Variants in GALNT13 observed in about 807,000 individuals in gnomAD.
GALNT13 encodes the protein polypeptide N-acetylgalactosaminyltransferase 13, also known as UDP-GalNAc:polypeptide N-acetylgalactosaminyltransferase 13.
In GALNT13, 28 loss-of-function variants were observed where a neutral mutation model predicts 64.2. That is an observed-to-expected ratio of 0.44 (90% CI 0.32 to 0.60). The LOEUF is 0.60. Among genes scored for constraint, GALNT13 ranks in the 20% least tolerant of loss-of-function variants. GALNT13 has a pLI of 0.05. For synonymous variants in GALNT13, 214 were observed against 224.6 expected (o/e 0.95, Z 0.42); for missense variants, 577 against 669.8 (o/e 0.86, Z 1.53).
the GALNT13 span, among the ~76,000 whole-genome samples, chr2:153,529,406 CAA>C: frequency 2.2e-5 from 3 of 138,198 alleles, no homozygotes; most frequent in African/African-American, 7.5e-5. Flanking sequence ...GTAACAAGAT[CAA>C]AGACGTTATA....
chr2:153,723,766 C>G, the GALNT13 span, among the ~76,000 whole-genome samples: 3 of 151,476 alleles, frequency 2.0e-5, no homozygotes, highest in Non-Finnish European at 4.4e-5. Flanking sequence ...AGGACCTCTT[C>G]AAGGAGAACT....
the GALNT13 span, among the ~76,000 whole-genome samples, chr2:153,350,368 G>T: frequency 4.2e-5 from 6 of 144,124 alleles, no homozygotes; most frequent in Admixed American, 4.1e-4. Flanking sequence ...TTTATGCATG[G>T]TCTGTTTCTT....
At chr2:153,931,043 G>T (rs1365124452) in intron 2 of GALNT13, among the ~76,000 whole-genome samples, 2 of 148,374 alleles carry the variant, frequency 1.3e-5, no homozygotes, top group African/African-American at 5.0e-5. Flanking sequence ...ATTGTCCTGG[G>T]TAGCTGTATT....
At chr2:153,641,927 T>C in the GALNT13 span, among the ~76,000 whole-genome samples, 1 of 151,834 alleles carries the variant, frequency 6.6e-6, no homozygotes, top group African/African-American at 2.4e-5. Flanking sequence ...AATTATAAAA[T>C]ATATGTCATA....
the GALNT13 span, among the ~76,000 whole-genome samples, chr2:153,636,250 A>AT: frequency 2.6e-5 from 4 of 152,170 alleles, no homozygotes; most frequent in Non-Finnish European, 5.9e-5. Flanking sequence ...TTACCTAGTT[A>AT]TTTTTTAATA....
At chr2:153,356,792 T>TC in the GALNT13 span, among the ~76,000 whole-genome samples, 2 of 107,832 alleles carry the variant, frequency 1.9e-5, no homozygotes, top group African/African-American at 4.1e-5. Flanking sequence ...TCTTCCTCTT[T>TC]TTTTTTTTTT....
the GALNT13 span, among the ~76,000 whole-genome samples, chr2:153,802,593 G>T: frequency 1.3e-5 from 2 of 152,158 alleles, no homozygotes; most frequent in Non-Finnish European, 2.9e-5. Flanking sequence ...GTTGACAATT[G>T]TTAAGACATC....
At chr2:154,082,695 C>A (rs1028200187) in intron 3 of GALNT13, among the ~76,000 whole-genome samples, 8 of 151,704 alleles carry the variant, frequency 5.3e-5, no homozygotes, top group African/African-American at 1.2e-4. Flanking sequence ...TTTTCCATGG[C>A]CACCTCTGCT....
chr2:154,404,870 G>T (rs905707347), intron 10 of GALNT13, among the ~76,000 whole-genome samples: 1 of 151,908 alleles, frequency 6.6e-6, no homozygotes, highest in Non-Finnish European at 1.5e-5. Flanking sequence ...ACAGAAAAAG[G>T]TGTTCCATAT....
At chr2:153,372,380 G>T in the GALNT13 span, among the ~76,000 whole-genome samples, 1 of 152,160 alleles carries the variant, frequency 6.6e-6, no homozygotes, top group Non-Finnish European at 1.5e-5. Context: ...AGGTGTGGTG[G>T]CTCACGCCTA....
At chr2:153,287,403 A>T in the GALNT13 span, among the ~76,000 whole-genome samples, 1 of 152,170 alleles carries the variant, frequency 6.6e-6, no homozygotes, top group Non-Finnish European at 1.5e-5. Flanking sequence ...TGTCGCAAGG[A>T]CAGAGGGCTT....
chr2:153,966,511 G>A (rs1366750604), intron 3 of GALNT13, among the ~76,000 whole-genome samples: 15 of 151,620 alleles, frequency 9.9e-5, no homozygotes, highest in Non-Finnish European at 1.5e-4. Context: ...GACTACAGGC[G>A]CCCGCCAAAA....
At chr2:153,978,725 A>G (rs1473934505) in intron 3 of GALNT13, among the ~76,000 whole-genome samples, 1 of 152,126 alleles carries the variant, frequency 6.6e-6, no homozygotes, top group East Asian at 1.9e-4. Flanking sequence ...AGTTTTGGGT[A>G]TGTCTTTATC....
rs191843505 is a variant in GALNT13, at chr2:154,380,467, T to C, written c.1157-15524T>C. Among the ~76,000 whole-genome samples, 3 of 152,180 alleles carry C rather than the reference T, an allele frequency of 2.0e-5. No homozygotes were observed. The East Asian group carries it at 5.8e-4, about 29-fold the overall frequency. On this transcript the variant is annotated intron_variant, in intron 9 of 12. Transcript: ENST00000392825. ...TTAATATTTCCAAAAGTTCAACTCT[T>C]AAAATATTTTTAATGTATATATTAA...
At chr2:154,380,425 C>G (rs534273309) in intron 9 of GALNT13, among the ~76,000 whole-genome samples, 1 of 151,878 alleles carries the variant, frequency 6.6e-6, no homozygotes, top group African/African-American at 2.4e-5. Context: ...TTTAATGTAG[C>G]CTTAAATAGT....
At chr2:153,170,818 C>T in the GALNT13 span, among the ~76,000 whole-genome samples, 12 of 152,304 alleles carry the variant, frequency 7.9e-5, no homozygotes, top group Non-Finnish European at 1.8e-4. Context: ...AAATACATTT[C>T]TCATTTGCAT....
intron 3 of GALNT13, among the ~76,000 whole-genome samples, chr2:154,009,732 C>G (rs1207149275): frequency 6.6e-6 from 1 of 152,038 alleles, no homozygotes; most frequent in African/African-American, 2.4e-5. Flanking sequence ...TCAGGTGATC[C>G]ACCCGCCTCG....
chr2:153,164,128 A>T, the GALNT13 span, among the ~76,000 whole-genome samples: 4 of 151,868 alleles, frequency 2.6e-5, no homozygotes, highest in Non-Finnish European at 5.9e-5. Context: ...AGTCAGTTTT[A>T]TTTCTTATTT....
At chr2:153,398,308 A>C in the GALNT13 span, among the ~76,000 whole-genome samples, 4 of 152,050 alleles carry the variant, frequency 2.6e-5, 1 homozygote, top group Non-Finnish European at 5.9e-5. Context: ...ACATTTTCTT[A>C]ATCCAGTCTA....
Sources: allele counts gnomAD v4.1 joint callset (sites outside exome capture counted in the v4.1 genomes callset), GRCh38; gene constraint gnomAD v4.1.1; transcripts MANE v1.5; gene names NCBI Gene and HGNC (gene_info 2026-07-23, HGNC 2026-07-21).